Variants in SCAPER observed in about 807,000 individuals in gnomAD.
SCAPER encodes the protein S-phase cyclin A associated protein in the ER.
Under a neutral mutation model 182.2 loss-of-function variants are expected in SCAPER, and 98 were observed. That is an observed-to-expected ratio of 0.54 (90% confidence interval 0.46 to 0.64). The LOEUF is 0.64. Ranked by LOEUF, SCAPER falls within the 30% of genes least tolerant of loss-of-function variation. The probability of loss-of-function intolerance (pLI) is 0.00; values close to 1 mark genes in which losing one functional copy is unlikely to be tolerated. For missense variants in SCAPER, 1,432 were observed against 1,690.0 expected, an observed-to-expected ratio of 0.85 and a Z score of 2.68; for synonymous variants, 605 against 564.6, an observed-to-expected ratio of 1.07 and a Z score of -1.01.
At chr15:76,785,198 C>T (rs532399924) in intron 8 of SCAPER, among the ~76,000 whole-genome samples, 1 of 152,016 alleles carries the variant, frequency 6.6e-6, no homozygotes, top group Non-Finnish European at 1.5e-5. Flanking sequence ...AAAACAACCC[C>T]ATCAAAAAGT....
intron 31 of SCAPER, chr15:76,349,313 G>C (rs2040382536): frequency 6.6e-6 from 1 of 152,190 alleles, no homozygotes; most frequent in South Asian, 2.1e-4. Flanking sequence ...GACGTTTTCT[G>C]AAAGTCTATT....
rs186342232 is a variant in SCAPER, at chr15:76,660,003, A to G, written c.2645+5650T>C. ...ATGGAATCAACCTAAATGCCTATCAATGGGAGAGTGGACAAAGAAAATGGG... is the reference window on the plus strand; with the variant it reads ...ATGGAATCAACCTAAATGCCTATCAGTGGGAGAGTGGACAAAGAAAATGGG... On this transcript the variant is annotated intron_variant, in intron 21 of 31. Coordinates refer to ENST00000563290, the MANE Select transcript of SCAPER (RefSeq NM_020843.4). 8.2e-4 allele frequency among the ~76,000 whole-genome samples: 125 copies of G among 152,342 alleles called. 1 individual carries two copies. The highest frequency in any genetic ancestry group is 2.9e-3 in the African/African-American group (119 of 41,586).
intron 15 of SCAPER, among the ~76,000 whole-genome samples, chr15:76,748,778 T>C (rs753730124): frequency 1.1e-4 from 16 of 151,588 alleles, no homozygotes; most frequent in Non-Finnish European, 1.8e-4. Context: ...TTTGGGGAAA[T>C]AGATAAATTT....
intron 27 of SCAPER, among the ~76,000 whole-genome samples, chr15:76,384,493 C>T (rs976905798): frequency 6.6e-6 from 1 of 152,120 alleles, no homozygotes; most frequent in Non-Finnish European, 1.5e-5. Context: ...AGAACATCTC[C>T]TCTCCTGCAC....
At chr15:76,623,128 T>C (rs36065132) in intron 21 of SCAPER, among the ~76,000 whole-genome samples, 1 of 152,242 alleles carries the variant, frequency 6.6e-6, no homozygotes, top group Non-Finnish European at 1.5e-5. Context: ...ATTGTCTAAG[T>C]TCCTTATAGA....
chr15:76,870,272 G>C (rs2072616122), intron 2 of SCAPER, among the ~76,000 whole-genome samples: 1 of 151,956 alleles, frequency 6.6e-6, no homozygotes, highest in Non-Finnish European at 1.5e-5. Flanking sequence ...AGTACAAAAA[G>C]ACATATTTAG....
rs372428744 is a variant in SCAPER, at chr15:76,575,528, T to C, written c.2712-1244A>G. ...CTCATCTTCTTCTCTGTTCCTCTTA[T>C]TACAGTCATTCCTTCCAGACAGGAC... On this transcript the variant is annotated intron_variant, in intron 22 of 31. Transcript: ENST00000563290. Among the ~76,000 whole-genome samples, 58 of 152,358 alleles carry C rather than the reference T, an allele frequency of 3.8e-4. 4 individuals carry two copies. The East Asian group carries it at 7.5e-3, about 20-fold the overall frequency.
At chr15:76,642,463 C>G (rs1359100628) in intron 21 of SCAPER, among the ~76,000 whole-genome samples, 1 of 152,106 alleles carries the variant, frequency 6.6e-6, no homozygotes, top group African/African-American at 2.4e-5. Context: ...ATCAATATAT[C>G]ATCCAAATAT....
At chr15:76,688,470 T>C (rs1372766347) in intron 20 of SCAPER, among the ~76,000 whole-genome samples, 1 of 152,244 alleles carries the variant, frequency 6.6e-6, no homozygotes, top group Non-Finnish European at 1.5e-5. Context: ...TTGGCTTTTG[T>C]TGCCATTGCT....
At chr15:76,411,721 T>C (rs2045304713) in intron 26 of SCAPER, among the ~76,000 whole-genome samples, 1 of 152,182 alleles carries the variant, frequency 6.6e-6, no homozygotes, top group Non-Finnish European at 1.5e-5. Flanking sequence ...GGTCATTTCA[T>C]TTCATTCTCC....
At chr15:76,722,240 C>A (rs974143898) in intron 17 of SCAPER, among the ~76,000 whole-genome samples, 1 of 152,056 alleles carries the variant, frequency 6.6e-6, no homozygotes, top group African/African-American at 2.4e-5. Context: ...TATTGATTTG[C>A]GTATGTTGAA....
At chr15:76,348,809 T>A (rs2040340310) in intron 31 of SCAPER, 73 bp from the exon 32 acceptor site, 2 of 897,982 alleles carry the variant, frequency 2.2e-6, no homozygotes, top group East Asian at 5.4e-5. Context: ...TAAATTAAAC[T>A]TATTTTGATA....
At chr15:76,455,675 ATTTTAC>A (rs2142891136) in intron 25 of SCAPER, among the ~76,000 whole-genome samples, 1 of 152,004 alleles carries the variant, frequency 6.6e-6, no homozygotes, top group Non-Finnish European at 1.5e-5. Flanking sequence ...TTTTATTTTT[ATTTTAC>A]TTTAAGTTCT....
At chr15:76,902,415 G>A (rs746981412) in intron 1 of SCAPER, among the ~76,000 whole-genome samples, 51 of 152,178 alleles carry the variant, frequency 3.4e-4, no homozygotes, top group Middle Eastern at 3.4e-3. Flanking sequence ...TGGGATAATT[G>A]GGACCCCAAG....
chr15:76,903,055 G>C (rs1052299613), intron 1 of SCAPER, among the ~76,000 whole-genome samples: 1 of 82,818 alleles, frequency 1.2e-5, no homozygotes, highest in Non-Finnish European at 2.9e-5. Context: ...AGTGAGACTC[G>C]GTTTCAAAAA....
chr15:76,902,316 CACAA>C (rs1225302701), intron 1 of SCAPER, among the ~76,000 whole-genome samples: 2 of 152,146 alleles, frequency 1.3e-5, no homozygotes, highest in African/African-American at 4.8e-5. Flanking sequence ...TTGTAAAAGT[CACAA>C]ACAACAGGCA....
intron 20 of SCAPER, among the ~76,000 whole-genome samples, chr15:76,683,829 G>A (rs956526719): frequency 6.6e-6 from 1 of 152,034 alleles, no homozygotes; most frequent in Non-Finnish European, 1.5e-5. Flanking sequence ...GTTGGGCGGG[G>A]TGGCTCACAC....
chr15:76,479,994 T>C (rs535005988), intron 24 of SCAPER, among the ~76,000 whole-genome samples: 2 of 152,326 alleles, frequency 1.3e-5, no homozygotes, highest in African/African-American at 4.8e-5. Flanking sequence ...TTTTATCAAT[T>C]ATCGTTTTGC....
intron 22 of SCAPER, among the ~76,000 whole-genome samples, chr15:76,585,102 T>C (rs529452989): frequency 6.6e-6 from 1 of 152,128 alleles, no homozygotes; most frequent in Non-Finnish European, 1.5e-5. Flanking sequence ...GCACACACCA[T>C]GTGTATAAAC....
Sources: allele counts gnomAD v4.1 joint callset (sites outside exome capture counted in the v4.1 genomes callset), GRCh38; gene constraint gnomAD v4.1.1; transcripts MANE v1.5; gene names NCBI Gene and HGNC (gene_info 2026-07-23, HGNC 2026-07-21).